SYVN1: variants seen among roughly 807,000 people sequenced by gnomAD.
The protein encoded by SYVN1 is synoviolin 1.
In SYVN1, 17 loss-of-function variants were observed where a neutral mutation model predicts 62.6. The observed-to-expected ratio is 0.27, with a 90% confidence interval of 0.19 to 0.41. SYVN1 has a LOEUF of 0.41. Among genes scored for constraint, SYVN1 ranks in the 10% least tolerant of loss-of-function variants. SYVN1 has a pLI of 1.00. For synonymous variants in SYVN1, 316 were observed against 304.0 expected (o/e 1.04, Z -0.41); for missense variants, 634 against 818.0 (o/e 0.78, Z 2.74).
Position 65,127,684 on chromosome 11 carries a change from A to G in SYVN1, c.*698T>C, listed in dbSNP as rs1948118013. On this transcript the variant is annotated 3_prime_UTR_variant, in exon 16 of 16. Transcript: ENST00000377190. ...GCCCTTGCCTGGAGTGCGGCTGGGC[A>G]GTGGCTGCTGGGTGAGACAGGTCAG... is the stretch of plus-strand genomic sequence containing the variant. 7.4e-6 allele frequency: 1 copy of G among 135,332 alleles called. No individual in the cohort carries two copies. The highest frequency in any genetic ancestry group is 1.5e-5 in the Non-Finnish European group (1 of 64,534). 8.4% of individuals were successfully genotyped at this position (135,332 alleles called of 1,614,324 possible).
In SYVN1 at chr11:65,127,316, T is replaced by G. The variant is rs1948113502; in HGVS notation, c.*1066A>C. ...GTTTTTATTTGGCTGTATATACAAT[T>G]TAAGCTATTAAAATTTGTACAATAT... On this transcript the variant is annotated 3_prime_UTR_variant, in exon 16 of 16. Coordinates refer to ENST00000377190, the MANE Select transcript of SYVN1 (RefSeq NM_172230.3). The G allele has an allele frequency of 2.4e-6, 1 of 420,112 alleles. No individual in the cohort carries two copies. Among genetic ancestry groups the G allele is most frequent in the Non-Finnish European group, 4.2e-6 (1 of 237,216 alleles). 26.0% of individuals were successfully genotyped at this position (420,112 alleles called of 1,614,324 possible). A position where few individuals can be genotyped will look rare whatever the true frequency, so the allele number is the denominator to read the frequency against.
rs1241403588 is a variant in SYVN1 at position 65,132,876 on chromosome 11, TACTCCCTGGCTTCCACCTGCTCCAGA to T, written c.378+20_378+45del. The T allele has an allele frequency of 6.2e-7, 1 of 1,613,462 alleles. No individual in the cohort carries two copies. The highest frequency in any genetic ancestry group is 1.7e-5 in the Admixed American group (1 of 60,010). ...CTGCTCCTTAAGCCTGCCCGCTGGCTACTCCCTGGCTTCCACCTGCTCCAGAACTCCCTGCCTTGACTCACAAAGTC... is the reference window on the plus strand; with the variant it reads ...CTGCTCCTTAAGCCTGCCCGCTGGCTACTCCCTGCCTTGACTCACAAAGTC... On this transcript the variant is annotated intron_variant, in intron 4 of 15. Coordinates refer to ENST00000377190, the MANE Select transcript of SYVN1 (RefSeq NM_172230.3).
chr11:65,130,854 G>C lies in SYVN1; in HGVS notation c.942-31C>G. The C allele has an allele frequency of 2.5e-6, 4 of 1,601,308 alleles. No individual in the cohort carries two copies. In the South Asian group the frequency reaches 3.3e-5, roughly 13 times the overall value. Reference sequence around the variant, plus strand: ...GGTCAAGGCCAGGCAGAGGTCAGCAGGTCCCTAGGGGCCTGCCTTCTGGGG... The same window carrying C: ...GGTCAAGGCCAGGCAGAGGTCAGCACGTCCCTAGGGGCCTGCCTTCTGGGG... On this transcript the variant is annotated intron_variant, in intron 10 of 15. Coordinates refer to ENST00000377190, the MANE Select transcript of SYVN1 (RefSeq NM_172230.3).
chr11:65,129,982 C>CA lies in SYVN1; in HGVS notation c.1408+19dup. Reference sequence around the variant, plus strand: ...ACCAACCTCACCCCCAAGAAGAACCCAGAGAGTGGCCCAGCTTACCAAAGG... The same window carrying CA: ...ACCAACCTCACCCCCAAGAAGAACCCAAGAGAGTGGCCCAGCTTACCAAAGG... On this transcript the variant is annotated intron_variant, in intron 13 of 15. Coordinates refer to ENST00000377190, the MANE Select transcript of SYVN1 (RefSeq NM_172230.3). 1 of 1,595,234 alleles carries CA rather than the reference C, an allele frequency of 6.3e-7. No individual in the cohort carries two copies. The highest frequency in any genetic ancestry group is 8.6e-7 in the Non-Finnish European group (1 of 1,167,922).
At position 65,132,367 on chromosome 11, in the gene SYVN1, CA is replaced by C; in HGVS notation, c.428-17del. ...AACATAAGAGCTGTGGGGACCCCCA[CA>C]CATGCAGGGTGGGGGGGTCAGCCCA... On this transcript the variant is annotated splice_polypyrimidine_tract_variant and intron_variant, in intron 5 of 15. Transcript: ENST00000377190. The C allele has an allele frequency of 6.3e-7, 1 of 1,585,804 alleles. No homozygotes were observed. Among genetic ancestry groups the C allele is most frequent in the Non-Finnish European group, 8.7e-7 (1 of 1,154,450 alleles).
rs570884555 is a variant in SYVN1, at chr11:65,127,875, C to A, written c.*507G>T. The A allele has an allele frequency of 6.3e-6, 1 of 159,448 alleles. No individual in the cohort carries two copies. The highest frequency in any genetic ancestry group is 1.4e-5 in the Non-Finnish European group (1 of 72,428). The allele number at this position is 159,448 out of a possible 1,614,324, so 9.9% of individuals were successfully genotyped here. On this transcript the variant is annotated 3_prime_UTR_variant, in exon 16 of 16. Transcript: ENST00000377190. Reference sequence around the variant, plus strand: ...CAGGGCATAGGGGGCACAGCCACCACCACAAGAGGCTTCTGGGGAGATCAG... The same window carrying A: ...CAGGGCATAGGGGGCACAGCCACCAACACAAGAGGCTTCTGGGGAGATCAG...
chr11:65,131,507 G>C lies in SYVN1; in HGVS notation c.621C>G (p.Asn207Lys). ...CTGTGTAGAGCATGTACACAGCCTT[G>C]TTGTCCCAGGGGTTCTCACTCTGGA... ...VDLQSENPWDNKAVYMLYTEL... is the reference protein window; with the variant it reads ...VDLQSENPWDKKAVYMLYTEL... Residue 207 changes from asparagine to lysine, a missense_variant, in exon 7 of 16, where the codon AAC (asparagine) becomes AAG (lysine). Coordinates refer to ENST00000377190, the MANE Select transcript of SYVN1 (RefSeq NM_172230.3). The C allele has an allele frequency of 6.2e-7, 1 of 1,613,998 alleles. No individual in the cohort carries two copies. Among genetic ancestry groups the C allele is most frequent in the Non-Finnish European group, 8.5e-7 (1 of 1,179,974 alleles).
chr11:65,132,672 G>A, intron 5 of SYVN1, 60 bp downstream of exon 5: 1 of 1,561,972 alleles, frequency 6.4e-7, no homozygotes, highest in Non-Finnish European at 8.8e-7. Context: ...CTGTGCTCTG[G>A]AGTACAGGTC....
intron 5 of SYVN1, 179 bp downstream of exon 5, chr11:65,132,553 G>T: frequency 1.2e-6 from 1 of 842,048 alleles, no homozygotes. Flanking sequence ...AGGTGAGAAG[G>T]CAAAGGGCTG....
intron 5 of SYVN1, 87 bp downstream of exon 5, chr11:65,132,645 C>G (rs1948195966): frequency 7.1e-7 from 1 of 1,410,460 alleles, no homozygotes; most frequent in East Asian, 2.3e-5. Context: ...CTTTCCTGTA[C>G]AGCTGTGGGG....
At position 65,129,521 on chromosome 11, in the gene SYVN1, A is replaced by G. The variant is rs536361815; in HGVS notation, c.1595+208T>C. The G allele has an allele frequency of 1.6e-4, 82 of 528,762 alleles. No homozygotes were observed. The Middle Eastern group carries it at 2.0e-3, about 13-fold the overall frequency. The allele number at this position is 528,762 out of a possible 1,614,324, so 32.8% of individuals were successfully genotyped here. ...ATCTAAAGTCAGCTCTCGAATAAACATCACTCCTACTTAGATCCAGACATG... is the reference window on the plus strand; with the variant it reads ...ATCTAAAGTCAGCTCTCGAATAAACGTCACTCCTACTTAGATCCAGACATG... On this transcript the variant is annotated intron_variant, in intron 14 of 15. Coordinates refer to ENST00000377190, the MANE Select transcript of SYVN1 (RefSeq NM_172230.3).
Position 65,134,040 on chromosome 11 carries a change from T to C in SYVN1, c.-18+416A>G, listed in dbSNP as rs896035612. ...CTGAGAGCAGCCAAGGCACAGAGGA[T>C]AGCAGGCTGGGCAGGCGACAGCGCC... On this transcript the variant is annotated intron_variant, in intron 1 of 15. Coordinates refer to ENST00000377190, the MANE Select transcript of SYVN1 (RefSeq NM_172230.3). 3.9e-5 allele frequency among the ~76,000 whole-genome samples: 6 copies of C among 152,186 alleles called. No homozygotes were observed. In the South Asian group the frequency reaches 8.3e-4, roughly 21 times the overall value.
chr11:65,133,394 C>G, intron 2 of SYVN1, 76 bp downstream of exon 2: 1 of 1,594,242 alleles, frequency 6.3e-7, no homozygotes. Flanking sequence ...TACCTGACCT[C>G]TAGCCCCGCC....
At chr11:65,130,849 C>T (rs1401681552) in intron 10 of SYVN1, 26 bp from the exon 11 acceptor site, 1 of 1,598,456 alleles carries the variant, frequency 6.3e-7, no homozygotes, top group Admixed American at 1.7e-5. Flanking sequence ...AGGCAGAGGT[C>T]AGCAGGTCCC....
chr11:65,131,339 C>A lies in SYVN1; in HGVS notation c.693G>T (p.Met231Ile). 1.2e-6 allele frequency: 2 copies of A among 1,614,014 alleles called. No homozygotes were observed. The highest frequency in any genetic ancestry group is 2.2e-5 in the South Asian group (2 of 91,034). The change falls in exon 8 of 16, where the codon ATG (methionine) becomes ATT (isoleucine). Residue 231 changes from methionine to isoleucine, a missense_variant. Met to Ile is a conservative substitution (Grantham distance 10, BLOSUM62 1). Coordinates refer to ENST00000377190, the MANE Select transcript of SYVN1 (RefSeq NM_172230.3). The stretch of plus-strand genomic sequence containing the variant: ...AGGTGTGCACCTTGATCATGATGGT[C>A]ATGAAGGCCATGTACAGCAGAACCT... ...FIKVLLYMAFMTIMIKVHTFP... is the reference protein window; with the variant it reads ...FIKVLLYMAFITIMIKVHTFP...
chr11:65,129,639 T>G (rs1590826019), intron 14 of SYVN1, 90 bp downstream of exon 14: 28 of 1,287,796 alleles, frequency 2.2e-5, no homozygotes, highest in Admixed American at 1.9e-5. Flanking sequence ...AATTGGCAGG[T>G]GTCAAAGGCC....
chr11:65,129,908 G>T lies in SYVN1; in HGVS notation c.1416C>A (p.Pro472=). The change falls in exon 14 of 16, where the codon CCC becomes CCA. Residue 472 remains proline (P), a synonymous_variant. Transcript: ENST00000377190. ...AGCCCGCAGGGGGCACAGGCATTGGGGGGAAGGCTGGAGAGAGAGAGGCTC... is the reference window on the plus strand; with the variant it reads ...AGCCCGCAGGGGGCACAGGCATTGGTGGGAAGGCTGGAGAGAGAGAGGCTC... ...GMPLPPPFAF[P]PMPVPPAGFA... 2.5e-6 allele frequency: 4 copies of T among 1,613,542 alleles called. No homozygotes were observed. The highest frequency in any genetic ancestry group is 3.4e-6 in the Non-Finnish European group (4 of 1,179,716).
intron 14 of SYVN1, chr11:65,129,347 T>G (rs1222373667): frequency 4.9e-6 from 1 of 204,382 alleles, no homozygotes; most frequent in Non-Finnish European, 1.0e-5. Flanking sequence ...CCAGGATGGC[T>G]CCAAGTGACT....
chr11:65,128,791 C>G, intron 14 of SYVN1, 77 bp from the exon 15 acceptor site: 1 of 1,436,166 alleles, frequency 7.0e-7, no homozygotes. Context: ...CTTGGTGAGC[C>G]TTGCAGAACA....
Sources: allele counts gnomAD v4.1 joint callset (sites outside exome capture counted in the v4.1 genomes callset), GRCh38; gene constraint gnomAD v4.1.1; transcripts MANE v1.5; gene names NCBI Gene and HGNC (gene_info 2026-07-23, HGNC 2026-07-21).